Variants in BCL2L13 observed in about 807,000 individuals in gnomAD.
BCL2L13 encodes BCL2 like 13, also known as bcl-2-like protein 13.
BCL2L13 carries 13 observed loss-of-function variants against 25.8 expected under a neutral mutation model. The ratio of observed to expected loss-of-function variants is 0.50; its 90% CI spans 0.33 to 0.80. BCL2L13 has a LOEUF of 0.80. BCL2L13 is among the 30% of genes least tolerant of loss of function. The probability of loss-of-function intolerance (pLI) is 0.02; values close to 1 mark genes in which losing one functional copy is unlikely to be tolerated. For synonymous variants in BCL2L13, 244 were observed against 230.3 expected (o/e 1.06, Z -0.54); for missense variants, 504 against 574.9 (o/e 0.88, Z 1.26).
At chr22:17,725,620 A>G (rs534878078) in intron 6 of BCL2L13, among the ~76,000 whole-genome samples, 1 of 152,280 alleles carries the variant, frequency 6.6e-6, no homozygotes, top group East Asian at 1.9e-4. Flanking sequence ...CATTATTTGT[A>G]TACCCTACTA....
intron 6 of BCL2L13, among the ~76,000 whole-genome samples, chr22:17,710,675 G>C (rs1025943101): frequency 6.6e-6 from 1 of 152,042 alleles, no homozygotes; most frequent in Non-Finnish European, 1.5e-5. Flanking sequence ...AGGAGATCGA[G>C]ACCATCCTGG....
intron 6 of BCL2L13, among the ~76,000 whole-genome samples, chr22:17,715,124 A>T (rs1459075815): frequency 3.3e-3 from 10 of 3,060 alleles, no homozygotes; most frequent in Non-Finnish European, 4.2e-3. Flanking sequence ...TGTTAATTTT[A>T]TATATATATA....
chr22:17,705,605 T>C (rs2060568536), intron 6 of BCL2L13, among the ~76,000 whole-genome samples: 1 of 150,014 alleles, frequency 6.7e-6, no homozygotes, highest in African/African-American at 2.4e-5. Flanking sequence ...CCGATATTGC[T>C]TTTTTTTTAA....
intron 1 of BCL2L13, among the ~76,000 whole-genome samples, chr22:17,646,961 T>A (rs1401141714): frequency 5.9e-3 from 318 of 53,602 alleles, no homozygotes; most frequent in African/African-American, 8.3e-3. Flanking sequence ...ATATATTTTT[T>A]TTTTTTTTTT....
chr22:17,664,635 C>T (rs2059179279), intron 2 of BCL2L13, among the ~76,000 whole-genome samples: 1 of 152,236 alleles, frequency 6.6e-6, no homozygotes, highest in African/African-American at 2.4e-5. Context: ...ATGAGGGCTC[C>T]ACCCCTATAG....
At chr22:17,670,735 A>ATG (rs1478730844) in intron 2 of BCL2L13, among the ~76,000 whole-genome samples, 2 of 152,096 alleles carry the variant, frequency 1.3e-5, no homozygotes, top group African/African-American at 4.8e-5. Context: ...ATTTCCAGAG[A>ATG]TGTGTACTGT....
At chr22:17,655,139 A>G (rs1261221787) in intron 1 of BCL2L13, among the ~76,000 whole-genome samples, 1 of 151,836 alleles carries the variant, frequency 6.6e-6, no homozygotes, top group Non-Finnish European at 1.5e-5. Context: ...GCCCAGGCCT[A>G]CACAGAGTCA....
intron 1 of BCL2L13, among the ~76,000 whole-genome samples, chr22:17,641,121 A>G (rs2058266866): frequency 6.6e-6 from 1 of 151,900 alleles, no homozygotes; most frequent in Non-Finnish European, 1.5e-5. Context: ...CGATCTCCTG[A>G]CCTCGCGATC....
chr22:17,675,972 G>C (rs573799044), intron 2 of BCL2L13, among the ~76,000 whole-genome samples: 6 of 152,260 alleles, frequency 3.9e-5, no homozygotes, highest in African/African-American at 1.4e-4. Flanking sequence ...GTGGAAAGCA[G>C]GTTCTGTATA....
intron 3 of BCL2L13, among the ~76,000 whole-genome samples, chr22:17,687,605 C>T (rs2059981751): frequency 6.6e-6 from 1 of 152,126 alleles, no homozygotes; most frequent in Non-Finnish European, 1.5e-5. Context: ...CAAGTTCTGC[C>T]TCCTGGGTTC....
upstream of BCL2L13, chr22:17,637,955 T>A (rs1291628263): frequency 1.3e-5 from 2 of 152,314 alleles, no homozygotes; most frequent in Non-Finnish European, 2.9e-5. Context: ...CTGTATCCAC[T>A]GGCAGTCACT....
chr22:17,680,511 CAAAAAAAAA>C (rs770410371), intron 2 of BCL2L13, among the ~76,000 whole-genome samples: 3 of 13,346 alleles, frequency 2.2e-4, no homozygotes, highest in African/African-American at 6.0e-4. Context: ...GACTCTGTCT[CAAAAAAAAA>C]AAAAAAAAAA....
chr22:17,713,636 A>G (rs1363754473), intron 6 of BCL2L13, among the ~76,000 whole-genome samples: 1 of 151,252 alleles, frequency 6.6e-6, no homozygotes, highest in Non-Finnish European at 1.5e-5. Context: ...TAATTTTTGT[A>G]TTTTTAGTAG....
chr22:17,701,422 T>C (rs186392176), intron 5 of BCL2L13, among the ~76,000 whole-genome samples: 13 of 152,372 alleles, frequency 8.5e-5, no homozygotes, highest in African/African-American at 3.1e-4. Flanking sequence ...CTGGAGACCC[T>C]GTAGGATTAT....
intron 1 of BCL2L13, among the ~76,000 whole-genome samples, chr22:17,645,501 G>A (rs1354839459): frequency 6.6e-6 from 1 of 151,342 alleles, no homozygotes; most frequent in Non-Finnish European, 1.5e-5. Context: ...GGAAGTATAG[G>A]CGTGAGCCAC....
chr22:17,661,419 T>A lies in BCL2L13; in HGVS notation c.121+5587T>A, dbSNP rs970822456. 2.7e-4 allele frequency among the ~76,000 whole-genome samples: 39 copies of A among 146,068 alleles called. 7 individuals carry two copies. Among genetic ancestry groups the A allele is most frequent in the South Asian group, 2.1e-4 (1 of 4,708 alleles). ...ATTTTATTTTTTAAGTGGTACTTTT[T>A]AAAAAACTTTAAGCTAGTGTTGTAA... On this transcript the variant is annotated intron_variant, in intron 2 of 6. Coordinates refer to ENST00000317582, the MANE Select transcript of BCL2L13 (RefSeq NM_015367.4).
chr22:17,638,778 G>A lies in BCL2L13; in HGVS notation c.-159G>A, dbSNP rs1568911596. The A allele has an allele frequency of 8.1e-7, 1 of 1,231,712 alleles. No homozygotes were observed. The highest frequency in any genetic ancestry group is 1.0e-6 in the Non-Finnish European group (1 of 987,960). 76.3% of individuals were successfully genotyped at this position (1,231,712 alleles called of 1,614,324 possible). ...CCTCACCCTCCAACATGGCGGCGGC[G>A]GTAGATTAGGGCCGCGGGTCGGAGC... On this transcript the variant is annotated 5_prime_UTR_variant, in exon 1 of 7. Transcript: ENST00000317582.
chr22:17,727,438 G>C lies in BCL2L13; in HGVS notation c.1362G>C (p.Leu454=). 1 of 1,614,260 alleles carries C rather than the reference G, an allele frequency of 6.2e-7. No individual in the cohort carries two copies. The highest frequency in any genetic ancestry group is 8.5e-7 in the Non-Finnish European group (1 of 1,180,056). ...CCGGTGAGATGAAGCCCATGCCGCT[G>C]TCTGAGGGCAAGTCTATACTGCTGT... ...SPAGEMKPMP[L]SEGKSILLFG... The change falls in exon 7 of 7, where the codon CTG becomes CTC. Residue 454 remains leucine (L), a synonymous_variant. Transcript: ENST00000317582.
chr22:17,691,490 CA>C (rs2060102977), intron 4 of BCL2L13, among the ~76,000 whole-genome samples: 1 of 152,030 alleles, frequency 6.6e-6, no homozygotes. Context: ...ACTAAAAATA[CA>C]AAAAATTAGC....
Sources: allele counts gnomAD v4.1 joint callset (sites outside exome capture counted in the v4.1 genomes callset), GRCh38; gene constraint gnomAD v4.1.1; transcripts MANE v1.5; gene names NCBI Gene and HGNC (gene_info 2026-07-23, HGNC 2026-07-21).